TECRL: variants seen among roughly 807,000 people sequenced by gnomAD.
TECRL encodes the protein trans-2,3-enoyl-CoA reductase like, also known as trans-2,3-enoyl-CoA reductase-like.
Under a neutral mutation model 52.8 loss-of-function variants are expected in TECRL, and 63 were observed. The ratio of observed to expected loss-of-function variants is 1.19; its 90% confidence interval spans 0.97 to 1.47. The LOEUF (loss-of-function observed/expected upper bound fraction) is 1.47, where lower values mean the gene tolerates loss of function less well. Ranked by LOEUF, TECRL falls within the 40% of genes most tolerant of loss-of-function variation. TECRL has a pLI of 0.00. For missense variants in TECRL, 482 were observed against 429.6 expected (o/e 1.12, Z -1.08); for synonymous variants, 164 against 141.9 (o/e 1.16, Z -1.10).
intron 3 of TECRL, among the ~76,000 whole-genome samples, chr4:64,326,620 G>T (rs2110040422): frequency 6.6e-6 from 1 of 152,176 alleles, no homozygotes; most frequent in Middle Eastern, 3.4e-3. Context: ...AGACCACATT[G>T]AACAAAGGGA....
At chr4:64,294,926 A>C (rs1723595543) in intron 8 of TECRL, among the ~76,000 whole-genome samples, 1 of 152,032 alleles carries the variant, frequency 6.6e-6, no homozygotes, top group South Asian at 2.1e-4. Context: ...TTTAATAGAT[A>C]ATGCATATCC....
intron 4 of TECRL, among the ~76,000 whole-genome samples, chr4:64,320,202 A>C (rs564782046): frequency 2.9e-4 from 44 of 151,896 alleles, no homozygotes; most frequent in Non-Finnish European, 6.3e-4. Flanking sequence ...TAGTAAGTTA[A>C]ATGAGGCAAG....
chr4:64,325,650 G>A (rs1356475188), intron 3 of TECRL, among the ~76,000 whole-genome samples: 2 of 152,136 alleles, frequency 1.3e-5, no homozygotes, highest in African/African-American at 2.4e-5. Flanking sequence ...AGACAATTAT[G>A]TATAAGAACA....
chr4:64,309,180 G>C (rs542540291), intron 6 of TECRL, among the ~76,000 whole-genome samples: 1 of 152,090 alleles, frequency 6.6e-6, no homozygotes, highest in Admixed American at 6.6e-5. Flanking sequence ...TAGAATGGCT[G>C]TTCTGTTGCG....
intron 2 of TECRL, among the ~76,000 whole-genome samples, chr4:64,364,497 A>G (rs1431684748): frequency 6.6e-6 from 1 of 152,030 alleles, no homozygotes; most frequent in Non-Finnish European, 1.5e-5. Flanking sequence ...AATAAATAAG[A>G]TTGATAGATG....
At chr4:64,389,459 G>A (rs530760096) in intron 1 of TECRL, among the ~76,000 whole-genome samples, 1 of 151,928 alleles carries the variant, frequency 6.6e-6, no homozygotes, top group South Asian at 2.1e-4. Flanking sequence ...GCACAAGTAG[G>A]ATAAATCCCA....
At chr4:64,309,995 G>A (rs1232065271) in intron 5 of TECRL, 64 bp from the exon 6 acceptor site, 8 of 1,020,278 alleles carry the variant, frequency 7.8e-6, no homozygotes, top group African/African-American at 5.0e-5. Context: ...CCTCATGCAT[G>A]ATACATTTTA....
intron 1 of TECRL, among the ~76,000 whole-genome samples, chr4:64,395,556 C>T (rs903942712): frequency 2.6e-5 from 4 of 152,276 alleles, no homozygotes; most frequent in African/African-American, 9.6e-5. Flanking sequence ...ATCATGTAAT[C>T]TGGACTTGAC....
intron 1 of TECRL, among the ~76,000 whole-genome samples, chr4:64,394,055 C>A (rs1051886480): frequency 2.0e-5 from 3 of 152,006 alleles, no homozygotes; most frequent in African/African-American, 7.2e-5. Context: ...TATGTTCTCT[C>A]CATCTTTAAC....
At chr4:64,364,237 C>A (rs970363567) in intron 2 of TECRL, among the ~76,000 whole-genome samples, 5 of 151,608 alleles carry the variant, frequency 3.3e-5, no homozygotes, top group African/African-American at 1.2e-4. Flanking sequence ...TACAACATAC[C>A]AGAATCTCTA....
rs907393118 is a variant in TECRL at position 64,323,210 on chromosome 4, A to G, written c.332-418T>C. The stretch of plus-strand genomic sequence containing the variant: ...AGCCCAGGAGTTCCATCTTGGTGAC[A>G]TGACAAAACCCTGTCTCTACAAAAA... On this transcript the variant is annotated intron_variant, in intron 3 of 11. Transcript: ENST00000381210. Among the ~76,000 whole-genome samples the G allele has an allele frequency of 3.9e-5, 6 of 151,946 alleles. No homozygotes were observed. In the East Asian group the frequency reaches 7.7e-4, roughly 20 times the overall value.
chr4:64,365,288 T>C (rs564098483), intron 2 of TECRL, among the ~76,000 whole-genome samples: 4 of 150,824 alleles, frequency 2.7e-5, no homozygotes, highest in South Asian at 2.1e-4. Flanking sequence ...ACTAAACAGG[T>C]GAAACCTGGA....
chr4:64,298,912 A>T (rs1459337895), intron 8 of TECRL: 1 of 151,202 alleles, frequency 6.6e-6, no homozygotes, highest in Admixed American at 6.6e-5. Context: ...CGCTGTATAC[A>T]ACATTAAATA....
chr4:64,369,303 C>T (rs541190517), intron 2 of TECRL, among the ~76,000 whole-genome samples: 4 of 152,142 alleles, frequency 2.6e-5, no homozygotes, highest in African/African-American at 7.2e-5. Context: ...TTTCACTCTT[C>T]CTCTATATTC....
In TECRL at chr4:64,371,643, A is replaced by C. The variant is rs958340768; in HGVS notation, c.286+3529T>G. On this transcript the variant is annotated intron_variant, in intron 2 of 11. Transcript: ENST00000381210. Reference sequence around the variant, plus strand: ...CTGCTTTTCTGTGGAAACCCAGACTATAGGAATTTTTCACTTTTCTTTGCA... The same window carrying C: ...CTGCTTTTCTGTGGAAACCCAGACTCTAGGAATTTTTCACTTTTCTTTGCA... Among the ~76,000 whole-genome samples the C allele has an allele frequency of 1.1e-4, 16 of 151,808 alleles. No individual in the cohort carries two copies. In the South Asian group the frequency reaches 3.1e-3, roughly 29 times the overall value.
chr4:64,314,764 C>T lies in TECRL; in HGVS notation c.436-1G>A. The T allele has an allele frequency of 6.3e-7, 1 of 1,588,594 alleles. No homozygotes were observed. Among genetic ancestry groups the T allele is most frequent in the African/African-American group, 1.3e-5 (1 of 74,410 alleles). On this transcript the variant is annotated splice_acceptor_variant, in intron 4 of 11. Coordinates refer to ENST00000381210, the MANE Select transcript of TECRL (RefSeq NM_001010874.5). LOFTEE classifies it high-confidence loss of function. ...GTCCTGTGTATTCAGCCAAAAACAC[C>T]TGAAAATAAAACATGATTTAGATTA...
intron 2 of TECRL, among the ~76,000 whole-genome samples, chr4:64,351,855 A>G (rs1038303020): frequency 2.6e-5 from 4 of 152,186 alleles, no homozygotes; most frequent in African/African-American, 9.7e-5. Context: ...AAATTAGTCT[A>G]ATTCAGTATA....
intron 9 of TECRL, among the ~76,000 whole-genome samples, chr4:64,288,279 G>T: frequency 6.6e-6 from 1 of 152,112 alleles, no homozygotes; most frequent in East Asian, 1.9e-4. Context: ...AAGAAGTTTT[G>T]TGAGAGCCTT....
At chr4:64,380,732 G>T (rs574487557) in intron 1 of TECRL, among the ~76,000 whole-genome samples, 28 of 152,044 alleles carry the variant, frequency 1.8e-4, no homozygotes, top group African/African-American at 6.0e-4. Flanking sequence ...ATTTATATCT[G>T]GGTTCTATGT....
Sources: allele counts gnomAD v4.1 joint callset (sites outside exome capture counted in the v4.1 genomes callset), GRCh38; gene constraint gnomAD v4.1.1; transcripts MANE v1.5; gene names NCBI Gene and HGNC (gene_info 2026-07-23, HGNC 2026-07-21).